Variants in CACNA1A observed in about 807,000 individuals in gnomAD.
CACNA1A encodes voltage-dependent P/Q-type calcium channel subunit alpha-1A.
CACNA1A carries 57 observed loss-of-function variants against 262.4 expected under a neutral mutation model. The ratio of observed to expected loss-of-function variants is 0.22; its 90% CI spans 0.18 to 0.27. The LOEUF (loss-of-function observed/expected upper bound fraction) is 0.27, where lower values mean the gene tolerates loss of function less well. CACNA1A is among the 10% of genes least tolerant of loss of function. The pLI, the probability that CACNA1A is intolerant of heterozygous loss-of-function variation, is 1.00. For synonymous variants in CACNA1A, 1,431 were observed against 1,419.3 expected, an observed-to-expected ratio of 1.01 and a Z score of -0.18; for missense variants, 2,526 against 3,562.8, an observed-to-expected ratio of 0.71 and a Z score of 7.41.
At chr19:13,349,867 G>A (rs1161440955) in intron 6 of CACNA1A, among the ~76,000 whole-genome samples, 1 of 152,168 alleles carries the variant, frequency 6.6e-6, no homozygotes, top group Non-Finnish European at 1.5e-5. Flanking sequence ...GTGGCACAGA[G>A]GAAGTGGCTG....
At chr19:13,316,856 C>T (rs1267462365) in intron 11 of CACNA1A, 6 of 374,404 alleles carry the variant, frequency 1.6e-5, no homozygotes, top group Admixed American at 8.2e-5. Flanking sequence ...CTCTGTCCCT[C>T]TCTCTTAGAA....
At chr19:13,233,341 A>AT (rs1323919459) in intron 34 of CACNA1A, among the ~76,000 whole-genome samples, 1 of 152,000 alleles carries the variant, frequency 6.6e-6, no homozygotes, top group Non-Finnish European at 1.5e-5. Flanking sequence ...AAACATTATT[A>AT]TTTTTTACTG....
intron 8 of CACNA1A, 143 bp from the exon 9 acceptor site, chr19:13,333,068 G>A: frequency 1.6e-6 from 1 of 617,276 alleles, no homozygotes; most frequent in Non-Finnish European, 2.9e-6. Context: ...ATGCTGCTGG[G>A]TGGTTTGTGA....
At chr19:13,342,592 C>T (rs1328355586) in intron 6 of CACNA1A, among the ~76,000 whole-genome samples, 2 of 152,150 alleles carry the variant, frequency 1.3e-5, no homozygotes, top group African/African-American at 2.4e-5. Context: ...TCCTGAGTCC[C>T]TTTGGGGTTG....
chr19:13,394,815 C>T (rs2059781290), intron 3 of CACNA1A, among the ~76,000 whole-genome samples: 1 of 152,182 alleles, frequency 6.6e-6, no homozygotes, highest in South Asian at 2.1e-4. Context: ...CCTTCTATCT[C>T]TTAGTCCCAT....
rs1236293903 is a variant in CACNA1A at position 13,298,457 on chromosome 19, T to G, written c.3089+87A>C. On this transcript the variant is annotated intron_variant, in intron 19 of 46. Transcript: ENST00000360228. The stretch of plus-strand genomic sequence containing the variant: ...TACAGCATTTTATAATATATTTTTA[T>G]AAACAAATACACAGCACGTGCTACT... 3 of 1,245,548 alleles carry G rather than the reference T, an allele frequency of 2.4e-6. No homozygotes were observed. In the African/African-American group the frequency reaches 4.7e-5, roughly 20 times the overall value. The allele number at this position is 1,245,548 out of a possible 1,614,324, so 77.2% of individuals were successfully genotyped here.
chr19:13,497,991 T>C (rs964384764), intron 1 of CACNA1A, among the ~76,000 whole-genome samples: 1 of 151,786 alleles, frequency 6.6e-6, no homozygotes, highest in African/African-American at 2.4e-5. Flanking sequence ...CCCTCCTCTT[T>C]TCCTCCTTAC....
chr19:13,468,814 T>G (rs1035320236), intron 1 of CACNA1A, among the ~76,000 whole-genome samples: 1 of 151,832 alleles, frequency 6.6e-6, no homozygotes, highest in East Asian at 1.9e-4. Context: ...TAAAAAACCT[T>G]TAACCTGGAA....
chr19:13,412,153 G>A (rs2060121642), intron 3 of CACNA1A, among the ~76,000 whole-genome samples: 1 of 152,000 alleles, frequency 6.6e-6, no homozygotes, highest in South Asian at 2.1e-4. Flanking sequence ...TGCTTGCTCA[G>A]AACATTGCAG....
chr19:13,382,594 G>A (rs2059542708), intron 3 of CACNA1A, among the ~76,000 whole-genome samples: 1 of 152,216 alleles, frequency 6.6e-6, no homozygotes. Flanking sequence ...TTGTCCTGTG[G>A]ACAGTGAGAG....
chr19:13,208,707 C>T (rs1236152846), intron 46 of CACNA1A, 49 bp downstream of exon 46: 82 of 1,521,616 alleles, frequency 5.4e-5, no homozygotes, highest in Non-Finnish European at 6.9e-5. Context: ...TTCTCTCCTC[C>T]CCGCCTCCCG....
At chr19:13,386,104 T>C (rs1169170225) in intron 3 of CACNA1A, among the ~76,000 whole-genome samples, 2 of 151,680 alleles carry the variant, frequency 1.3e-5, no homozygotes, top group South Asian at 2.1e-4. Context: ...TGAGCTGTGA[T>C]TGTGCCACTG....
intron 10 of CACNA1A, among the ~76,000 whole-genome samples, chr19:13,320,236 T>TTGAG (rs1491579757): frequency 1.0e-3 from 74 of 73,540 alleles, no homozygotes; most frequent in South Asian, 4.4e-3. Flanking sequence ...GTTCCACAGA[T>TTGAG]CGAGAGAGAG....
At chr19:13,420,613 T>C (rs1369145673) in intron 3 of CACNA1A, among the ~76,000 whole-genome samples, 1 of 152,144 alleles carries the variant, frequency 6.6e-6, no homozygotes, top group African/African-American at 2.4e-5. Flanking sequence ...AATTCTTTCC[T>C]AGAGCAGTTG....
At chr19:13,242,907 G>C (rs2056118668) in intron 31 of CACNA1A, among the ~76,000 whole-genome samples, 1 of 152,178 alleles carries the variant, frequency 6.6e-6, no homozygotes, top group East Asian at 1.9e-4. Context: ...TTTGGCTACT[G>C]CAAGGGTCCT....
intron 31 of CACNA1A, among the ~76,000 whole-genome samples, chr19:13,242,526 C>A (rs1400564533): frequency 6.6e-6 from 1 of 152,086 alleles, no homozygotes; most frequent in African/African-American, 2.4e-5. Flanking sequence ...GAACTCCTGA[C>A]CTCAAGTGAT....
chr19:13,396,374 T>C (rs543226364), intron 3 of CACNA1A, among the ~76,000 whole-genome samples: 2 of 152,198 alleles, frequency 1.3e-5, no homozygotes, highest in South Asian at 2.1e-4. Flanking sequence ...CAGCTCTCTG[T>C]CTCCCTTCAA....
intron 3 of CACNA1A, among the ~76,000 whole-genome samples, chr19:13,372,498 A>C (rs2144563074): frequency 6.6e-6 from 1 of 152,300 alleles, no homozygotes; most frequent in South Asian, 2.1e-4. Flanking sequence ...AACAAATGGC[A>C]GGAAAGTAGT....
chr19:13,298,195 A>G (rs1265537863), intron 19 of CACNA1A, among the ~76,000 whole-genome samples: 3 of 131,488 alleles, frequency 2.3e-5, no homozygotes, highest in African/African-American at 8.9e-5. Context: ...CGGTGGTGTG[A>G]TCTCGGCTCA....
Sources: gnomAD v4.1 joint callset for allele counts (sites outside exome capture counted in the v4.1 genomes callset) on GRCh38, gnomAD v4.1.1 for gene constraint, MANE v1.5 for transcripts, NCBI Gene and HGNC (gene_info 2026-07-23, HGNC 2026-07-21) for gene names.